The following PLAT variants were observed in gnomAD, a reference collection of about 807,000 sequenced individuals.
PLAT encodes the protein tissue-type plasminogen activator.
A neutral mutation model predicts 74.9 loss-of-function variants in PLAT; 48 were observed. The observed-to-expected ratio is 0.64, with a 90% CI of 0.51 to 0.82. The LOEUF (loss-of-function observed/expected upper bound fraction) is 0.82, where lower values mean the gene tolerates loss of function less well. Among genes scored for constraint, PLAT ranks in the 40% least tolerant of loss-of-function variants. PLAT has a pLI of 0.00. For missense variants in PLAT, 673 were observed against 736.2 expected (o/e 0.91, Z 0.99); for synonymous variants, 307 against 294.4 (o/e 1.04, Z -0.44).
chr8:42,178,264 CTTTTTTT>C (rs5891180), intron 13 of PLAT, among the ~76,000 whole-genome samples: 7 of 110,048 alleles, frequency 6.4e-5, no homozygotes, highest in South Asian at 2.7e-4. Flanking sequence ...ACATTTCTTT[CTTTTTTT>C]TTTTTTTTTT....
Position 42,175,875 on chromosome 8 carries a change from C to G in PLAT, c.*118G>C. 1 of 963,014 alleles carries G rather than the reference C, an allele frequency of 1.0e-6. No homozygotes were observed. Among genetic ancestry groups the G allele is most frequent in the South Asian group, 1.6e-5 (1 of 63,226 alleles). The allele number at this position is 963,014 out of a possible 1,614,324, so 59.7% of individuals were successfully genotyped here. On this transcript the variant is annotated 3_prime_UTR_variant, in exon 14 of 14. Transcript: ENST00000220809. ...TTCCCTCTCCTGTAGGGTCTCGTCCCGCTTCTGCGGTGTGGTGGGTCTGGA... is the reference window on the plus strand; with the variant it reads ...TTCCCTCTCCTGTAGGGTCTCGTCCGGCTTCTGCGGTGTGGTGGGTCTGGA...
intron 1 of PLAT, among the ~76,000 whole-genome samples, chr8:42,205,656 T>C: frequency 6.6e-6 from 1 of 152,224 alleles, no homozygotes; most frequent in South Asian, 2.1e-4. Context: ...TTCTCTTATC[T>C]ACCTATGACC....
intron 6 of PLAT, 43 bp downstream of exon 6, chr8:42,187,355 A>G (rs1805519412): frequency 6.7e-7 from 1 of 1,493,596 alleles, no homozygotes; most frequent in Admixed American, 1.9e-5. Context: ...CAGCTGTAGC[A>G]GCTTCTCACA....
chr8:42,180,908 A>T, intron 9 of PLAT: 1 of 510,844 alleles, frequency 2.0e-6, no homozygotes, highest in East Asian at 3.3e-5. Flanking sequence ...ATTAGTTCCC[A>T]AGTATGTTTG....
chr8:42,177,586 G>A (rs924041460), intron 13 of PLAT, among the ~76,000 whole-genome samples: 25 of 152,154 alleles, frequency 1.6e-4, no homozygotes, highest in Non-Finnish European at 2.8e-4. Context: ...CCCATAGAGT[G>A]GTTATGGCAT....
At chr8:42,205,623 CAA>C (rs1170368308) in intron 1 of PLAT, among the ~76,000 whole-genome samples, 3 of 152,212 alleles carry the variant, frequency 2.0e-5, no homozygotes, top group Non-Finnish European at 4.4e-5. Context: ...GAAAGGCTGA[CAA>C]AGACTCAGAA....
intron 3 of PLAT, among the ~76,000 whole-genome samples, chr8:42,189,559 A>G (rs1406105717): frequency 6.6e-6 from 1 of 151,696 alleles, no homozygotes; most frequent in Non-Finnish European, 1.5e-5. Flanking sequence ...TCTGAGTGCC[A>G]TTGAGTATCT....
At chr8:42,198,606 T>TA (rs1476669369) in intron 1 of PLAT, among the ~76,000 whole-genome samples, 1 of 152,212 alleles carries the variant, frequency 6.6e-6, no homozygotes, top group Non-Finnish European at 1.5e-5. Flanking sequence ...TTATAGTCTG[T>TA]ACTCTTGCCA....
At chr8:42,203,309 G>A (rs1054671260) in intron 1 of PLAT, among the ~76,000 whole-genome samples, 5 of 152,192 alleles carry the variant, frequency 3.3e-5, no homozygotes, top group African/African-American at 1.2e-4. Context: ...AGCATCGCGT[G>A]GTCACCCATG....
At chr8:42,191,288 G>A (rs1587937776) in intron 3 of PLAT, 84 bp downstream of exon 3, 1 of 1,067,634 alleles carries the variant, frequency 9.4e-7, no homozygotes, top group Non-Finnish European at 1.5e-6. Context: ...GTGGAAGAAG[G>A]CAGGTGGTGG....
chr8:42,185,015 G>T, intron 7 of PLAT, 66 bp downstream of exon 7: 1 of 1,082,950 alleles, frequency 9.2e-7, no homozygotes, highest in Non-Finnish European at 1.3e-6. Flanking sequence ...GAGGGCTATC[G>T]GCCTGTCCTC....
rs1357973457 is a variant in PLAT at position 42,187,525 on chromosome 8, T to C, written c.412A>G (p.Thr138Ala). The C allele has an allele frequency of 6.2e-7, 1 of 1,611,372 alleles. No homozygotes were observed. The highest frequency in any genetic ancestry group is 1.1e-5 in the South Asian group (1 of 90,960). ...YEDQGISYRG[T>A]WSTAESGAEC... ...GCGCCACTCTCCGCTGTGCTCCACGTGCCCCTGTAGCTGATGCCCTGGTCC... is the reference window on the plus strand; with the variant it reads ...GCGCCACTCTCCGCTGTGCTCCACGCGCCCCTGTAGCTGATGCCCTGGTCC... The change falls in exon 6 of 14, where the codon ACG becomes GCG. Residue 138 changes from threonine (T) to alanine (A), a missense_variant. Transcript: ENST00000220809.
intron 7 of PLAT, among the ~76,000 whole-genome samples, chr8:42,183,429 G>A (rs1487849582): frequency 1.8e-4 from 27 of 152,172 alleles, no homozygotes; most frequent in Non-Finnish European, 2.9e-4. Flanking sequence ...GGTTCAGCAG[G>A]AAGAACCACT....
At chr8:42,183,743 A>T (rs1352666869) in intron 7 of PLAT, among the ~76,000 whole-genome samples, 2 of 152,162 alleles carry the variant, frequency 1.3e-5, no homozygotes, top group East Asian at 3.9e-4. Context: ...TTTCAAGATT[A>T]TCTAGATCTG....
At chr8:42,179,260 C>T (rs951277874) in intron 12 of PLAT, among the ~76,000 whole-genome samples, 197 bp from the exon 13 acceptor site, 2 of 152,212 alleles carry the variant, frequency 1.3e-5, no homozygotes, top group African/African-American at 2.4e-5. Flanking sequence ...CCCACAGCCT[C>T]TCCGTAGTGG....
chr8:42,202,998 C>G (rs1806193772), intron 1 of PLAT, among the ~76,000 whole-genome samples: 1 of 152,192 alleles, frequency 6.6e-6, no homozygotes, highest in Non-Finnish European at 1.5e-5. Context: ...GCAAAGGTGA[C>G]AGTCGCCCCC....
In PLAT at chr8:42,188,643, TG is replaced by T. The variant is rs1192991059; in HGVS notation, c.253+290del. 2.6e-5 allele frequency among the ~76,000 whole-genome samples: 4 copies of T among 152,174 alleles called. No individual in the cohort carries two copies. The South Asian group carries it at 8.3e-4, about 32-fold the overall frequency. On this transcript the variant is annotated intron_variant, in intron 4 of 13. Transcript: ENST00000220809. ...TGTTTTTGTTTGTGTTGTTTTGTTT[TG>T]TTTTAGAGGTGAGGGCTTGCCCTGT...
chr8:42,200,203 T>TA (rs972115468), intron 1 of PLAT, among the ~76,000 whole-genome samples: 1 of 152,116 alleles, frequency 6.6e-6, no homozygotes, highest in Non-Finnish European at 1.5e-5. Context: ...TTTGAGGCAA[T>TA]ATTATTACCT....
chr8:42,188,077 G>T (rs1345766320), intron 4 of PLAT, 61 bp from the exon 5 acceptor site: 1 of 994,080 alleles, frequency 1.0e-6, no homozygotes, highest in Non-Finnish European at 1.6e-6. Flanking sequence ...TCAGGCCATG[G>T]TTCCAGGAGC....
Sources: allele counts gnomAD v4.1 joint callset (sites outside exome capture counted in the v4.1 genomes callset), GRCh38; gene constraint gnomAD v4.1.1; transcripts MANE v1.5; gene names NCBI Gene and HGNC (gene_info 2026-07-23, HGNC 2026-07-21).